Variants in CEP63 observed in about 807,000 individuals in gnomAD.
CEP63 encodes the protein centrosomal protein 63, also known as centrosomal protein of 63 kDa.
A neutral mutation model predicts 89.1 loss-of-function variants in CEP63; 84 were observed. The ratio of observed to expected loss-of-function variants is 0.94; its 90% CI spans 0.79 to 1.13. The LOEUF (loss-of-function observed/expected upper bound fraction) is 1.13, where lower values mean the gene tolerates loss of function less well. CEP63 is among the 50% of genes most tolerant of loss of function. The pLI is 0.00. For missense variants in CEP63, 838 were observed against 813.3 expected (o/e 1.03, Z -0.37); for synonymous variants, 267 against 272.5 (o/e 0.98, Z 0.20).
At chr3:134,764,875 A>G in the CEP63 span, among the ~76,000 whole-genome samples, 1 of 152,220 alleles carries the variant, frequency 6.6e-6, no homozygotes, top group Non-Finnish European at 1.5e-5. Flanking sequence ...GACCTCTGTT[A>G]GCATACTTCT....
chr3:134,508,602 A>G (rs943762878), intron 3 of CEP63, among the ~76,000 whole-genome samples: 1 of 152,200 alleles, frequency 6.6e-6, no homozygotes, highest in Non-Finnish European at 1.5e-5. Context: ...ATGTGTGATT[A>G]TGATAATATT....
chr3:134,657,712 C>T, the CEP63 span, among the ~76,000 whole-genome samples: 3 of 152,098 alleles, frequency 2.0e-5, no homozygotes, highest in Non-Finnish European at 2.9e-5. Flanking sequence ...AAGACTATGA[C>T]TATTTTAAAC....
At chr3:134,530,016 G>A (rs968774827) in intron 3 of CEP63, among the ~76,000 whole-genome samples, 3 of 151,900 alleles carry the variant, frequency 2.0e-5, no homozygotes, top group African/African-American at 7.3e-5. Context: ...TGGGACTACA[G>A]GCACCCGCCA....
intron 10 of CEP63, among the ~76,000 whole-genome samples, chr3:134,581,678 C>CTTTTTTTT (rs1307921869): frequency 5.4e-5 from 1 of 18,520 alleles, no homozygotes; most frequent in Non-Finnish European, 9.7e-5. Flanking sequence ...ATGATGAAAA[C>CTTTTTTTT]ATTTTTTTTT....
intron 10 of CEP63, among the ~76,000 whole-genome samples, chr3:134,585,297 T>C (rs1291262678): frequency 6.6e-6 from 1 of 152,130 alleles, no homozygotes; most frequent in African/African-American, 2.4e-5. Context: ...CAATTTTAGA[T>C]CTTTCCTGCC....
the CEP63 span, among the ~76,000 whole-genome samples, chr3:134,692,098 T>C: frequency 7.1e-6 from 1 of 139,870 alleles, no homozygotes; most frequent in Non-Finnish European, 1.6e-5. Flanking sequence ...CTAGATTTTT[T>C]TTTTAATTAA....
the CEP63 span, chr3:134,650,771 G>A: frequency 6.8e-7 from 1 of 1,480,822 alleles, no homozygotes; most frequent in East Asian, 2.5e-5. Flanking sequence ...GGCCCTTGTG[G>A]CAAGGAGGCC....
At chr3:134,629,342 TA>T in the CEP63 span, 1 of 421,094 alleles carries the variant, frequency 2.4e-6, no homozygotes, top group Non-Finnish European at 4.3e-6. Flanking sequence ...AAATGGTATC[TA>T]AAAGCAACAG....
the CEP63 span, among the ~76,000 whole-genome samples, chr3:134,711,249 G>A: frequency 6.6e-6 from 1 of 152,220 alleles, no homozygotes; most frequent in Non-Finnish European, 1.5e-5. Context: ...TTCCAGGAGA[G>A]TTGGGAAGTG....
At chr3:134,506,117 GTATT>G (rs1044334599) in intron 2 of CEP63, among the ~76,000 whole-genome samples, 4 of 152,136 alleles carry the variant, frequency 2.6e-5, no homozygotes, top group Non-Finnish European at 5.9e-5. Flanking sequence ...CTTTTTGAAA[GTATT>G]TAAGCCTTAC....
chr3:134,625,170 A>G, the CEP63 span: 1 of 1,551,146 alleles, frequency 6.4e-7, no homozygotes, highest in Non-Finnish European at 8.8e-7. Context: ...AGCAGCTGAG[A>G]CCCACTGAAG....
At chr3:134,491,515 C>T (rs1937559406) in intron 1 of CEP63, among the ~76,000 whole-genome samples, 1 of 152,154 alleles carries the variant, frequency 6.6e-6, no homozygotes, top group South Asian at 2.1e-4. Context: ...GCTTATGGCA[C>T]TTTTTCATAT....
At chr3:134,553,057 C>T (rs1297733601) in intron 12 of CEP63, 1 of 152,158 alleles carries the variant, frequency 6.6e-6, no homozygotes, top group Non-Finnish European at 1.5e-5. Flanking sequence ...TCTATTCTGA[C>T]CCATCTTTTC....
At chr3:134,606,988 C>T in the CEP63 span, 42 of 985,028 alleles carry the variant, frequency 4.3e-5, no homozygotes, top group Admixed American at 1.2e-4. Flanking sequence ...AAGAAATACT[C>T]TGTACATAAG....
chr3:134,487,021 A>G (rs1020346218), intron 1 of CEP63, among the ~76,000 whole-genome samples: 1 of 152,204 alleles, frequency 6.6e-6, no homozygotes, highest in Non-Finnish European at 1.5e-5. Context: ...CAGTTTCAGC[A>G]CCGTACGCTG....
At chr3:134,542,932 G>T (rs979527157) in intron 6 of CEP63, among the ~76,000 whole-genome samples, 2 of 90,000 alleles carry the variant, frequency 2.2e-5, no homozygotes, top group Non-Finnish European at 4.3e-5. Context: ...AAGAATTAGT[G>T]GTTAGTGCAA....
intron 10 of CEP63, among the ~76,000 whole-genome samples, chr3:134,581,503 C>G: frequency 1.0e-4 from 1 of 9,910 alleles, no homozygotes; most frequent in Non-Finnish European, 1.7e-4. Context: ...TTGCTTAAAC[C>G]CAGGAGGCGG....
the CEP63 span, among the ~76,000 whole-genome samples, chr3:134,663,213 G>A: frequency 1.5e-4 from 23 of 152,298 alleles, no homozygotes; most frequent in African/African-American, 5.3e-4. Context: ...GGTCCACCCC[G>A]TGCTCATTGC....
chr3:134,685,278 G>A, the CEP63 span, among the ~76,000 whole-genome samples: 2 of 151,902 alleles, frequency 1.3e-5, no homozygotes, highest in Non-Finnish European at 2.9e-5. Context: ...TTAAGACTTT[G>A]GGGGAACTCT....
Sources: gnomAD v4.1 joint callset for allele counts (sites outside exome capture counted in the v4.1 genomes callset) on GRCh38, gnomAD v4.1.1 for gene constraint, MANE v1.5 for transcripts, NCBI Gene and HGNC (gene_info 2026-07-23, HGNC 2026-07-21) for gene names.